PRKN: variants seen among roughly 807,000 people sequenced by gnomAD.
PRKN encodes parkin RBR E3 ubiquitin protein ligase.
Under a neutral mutation model 59.5 loss-of-function variants are expected in PRKN, and 56 were observed. The ratio of observed to expected loss-of-function variants is 0.94; its 90% CI spans 0.76 to 1.18. The LOEUF (loss-of-function observed/expected upper bound fraction) is 1.18. Ranked by LOEUF, PRKN falls within the 50% of genes most tolerant of loss-of-function variation. PRKN has a pLI of 0.00. For synonymous variants in PRKN, 250 were observed against 222.1 expected (o/e 1.13, Z -1.12); for missense variants, 657 against 596.4 (o/e 1.10, Z -1.06).
At chr6:161,648,880 T>A (rs1360191658) in intron 7 of PRKN, among the ~76,000 whole-genome samples, 3 of 152,304 alleles carry the variant, frequency 2.0e-5, no homozygotes, top group Middle Eastern at 3.4e-3. Context: ...TATGCAGAGC[T>A]ATCAAGGGCA....
At chr6:161,806,015 C>T (rs1200823631) in intron 6 of PRKN, among the ~76,000 whole-genome samples, 1 of 152,238 alleles carries the variant, frequency 6.6e-6, no homozygotes, top group African/African-American at 2.4e-5. Flanking sequence ...GAGCAGCCTA[C>T]TCCCTGGCAT....
At chr6:162,404,431 G>T (rs1209179526) in intron 2 of PRKN, among the ~76,000 whole-genome samples, 1 of 151,676 alleles carries the variant, frequency 6.6e-6, no homozygotes, top group Non-Finnish European at 1.5e-5. Context: ...CATTAGCAAA[G>T]AGCTCAGTGC....
In PRKN at chr6:162,208,978, C is replaced by G. The variant is rs1198509537; in HGVS notation, c.413-7726G>C. On this transcript the variant is annotated intron_variant, in intron 3 of 11. Transcript: ENST00000366898. ...TGGATTAAAGACTAAAATGTCAGAC[C>G]TAAAACCATAAAAACCCTAGAAGAA... is the stretch of plus-strand genomic sequence containing the variant. Among the ~76,000 whole-genome samples, 3 of 152,064 alleles carry G rather than the reference C, an allele frequency of 2.0e-5. No individual in the cohort carries two copies. The East Asian group carries it at 5.8e-4, about 29-fold the overall frequency.
chr6:162,534,691 T>A (rs1485330961), intron 1 of PRKN, among the ~76,000 whole-genome samples: 4 of 152,148 alleles, frequency 2.6e-5, no homozygotes, highest in Non-Finnish European at 5.9e-5. Flanking sequence ...AAGTTGCCCC[T>A]TTCCCGAGCC....
intron 4 of PRKN, among the ~76,000 whole-genome samples, chr6:162,108,236 C>G (rs1419011773): frequency 2.6e-5 from 4 of 152,128 alleles, no homozygotes; most frequent in Non-Finnish European, 5.9e-5. Flanking sequence ...AAGAGAAAGA[C>G]AAGCCTTTGT....
chr6:161,725,604 C>T (rs759971154), intron 7 of PRKN, among the ~76,000 whole-genome samples: 1 of 152,202 alleles, frequency 6.6e-6, no homozygotes, highest in Non-Finnish European at 1.5e-5. Context: ...ATGGCTCACC[C>T]TACCCATTTC....
intron 7 of PRKN, among the ~76,000 whole-genome samples, chr6:161,589,979 G>C (rs1583267668): frequency 6.6e-6 from 1 of 150,828 alleles, no homozygotes; most frequent in East Asian, 2.0e-4. Flanking sequence ...ACTAGAGACA[G>C]GGTTTCACCA....
chr6:161,576,904 G>A lies in PRKN; in HGVS notation c.872-7488C>T, dbSNP rs375413777. ...TAAAGTTGAGAAAAAAGTTGCAATC[G>A]TTTATGCACAATGCAATGTCATTTA... On this transcript the variant is annotated intron_variant, in intron 7 of 11. Coordinates refer to ENST00000366898, the MANE Select transcript of PRKN (RefSeq NM_004562.3). The surrounding 1 kb of genome is among the most constrained non-coding windows in gnomAD (Gnocchi z 4.6). Among the ~76,000 whole-genome samples the A allele has an allele frequency of 2.2e-4, 34 of 152,268 alleles. No homozygotes were observed. The highest frequency in any genetic ancestry group is 7.9e-4 in the African/African-American group (33 of 41,554).
intron 7 of PRKN, among the ~76,000 whole-genome samples, chr6:161,772,944 C>A (rs1789756962): frequency 6.6e-5 from 10 of 152,076 alleles, no homozygotes; most frequent in Admixed American, 5.2e-4. Context: ...TTGGCAAAAC[C>A]TTTCAAGCAC....
intron 1 of PRKN, among the ~76,000 whole-genome samples, chr6:162,696,934 G>A (rs1368270939): frequency 1.3e-5 from 2 of 152,104 alleles, no homozygotes; most frequent in Admixed American, 1.3e-4. Context: ...CTCCAAAAAA[G>A]TAAAGTTATT....
chr6:161,732,132 G>A lies in PRKN; in HGVS notation c.871+53640C>T, dbSNP rs140331649. 6.3e-3 allele frequency among the ~76,000 whole-genome samples: 945 copies of A among 149,052 alleles called. 8 individuals are homozygous for A. Among genetic ancestry groups the A allele is most frequent in the Non-Finnish European group, 0.01 (691 of 67,726 alleles). On this transcript the variant is annotated intron_variant, in intron 7 of 11. Transcript: ENST00000366898. ...GATGGAGTCTTGCTCTGTCACCCAC[G>A]CTGGAGTGTAATGGTGCAATCTCAG...
At chr6:162,179,051 A>T (rs1783663747) in intron 4 of PRKN, among the ~76,000 whole-genome samples, 2 of 152,008 alleles carry the variant, frequency 1.3e-5, no homozygotes, top group South Asian at 2.1e-4. Flanking sequence ...GCTAATTTTT[A>T]AAATTTTTTT....
intron 4 of PRKN, among the ~76,000 whole-genome samples, chr6:162,152,261 T>C (rs1161293942): frequency 3.3e-5 from 5 of 152,204 alleles, no homozygotes; most frequent in African/African-American, 7.2e-5. Flanking sequence ...CGTTTCCTAG[T>C]ATTTCACAAT....
Position 161,946,386 on chromosome 6 carries a change from T to TCACACACACACA in PRKN, c.734+26904_734+26915dup, listed in dbSNP as rs368190954. ...GGTTCTTTACCAAATTGCATGCACATCACACACACACACACACACACACAC... is the reference window on the plus strand; with the variant it reads ...GGTTCTTTACCAAATTGCATGCACATCACACACACACACACACACACACACACACACACACAC... On this transcript the variant is annotated intron_variant, in intron 6 of 11. Transcript: ENST00000366898. Among the ~76,000 whole-genome samples the TCACACACACACA allele has an allele frequency of 5.0e-3, 572 of 113,310 alleles. 4 individuals are homozygous for TCACACACACACA. Among genetic ancestry groups the TCACACACACACA allele is most frequent in the Middle Eastern group, 0.014 (3 of 210 alleles). 74.3% of individuals were successfully genotyped at this position (113,310 alleles called of 152,430 possible). A position where few individuals can be genotyped will look rare whatever the true frequency, so the allele number is the denominator to read the frequency against.
In PRKN at chr6:161,875,006, A is replaced by G. The variant is rs1208457275; in HGVS notation, c.735-89098T>C. ...TTATATACTTTATATATAATATATT[A>G]TATATTATATATAAAGTATATAATA... On this transcript the variant is annotated intron_variant, in intron 6 of 11. Coordinates refer to ENST00000366898, the MANE Select transcript of PRKN (RefSeq NM_004562.3). Among the ~76,000 whole-genome samples, 4 of 108,688 alleles carry G rather than the reference A, an allele frequency of 3.7e-5. No homozygotes were observed. In the East Asian group the frequency reaches 9.8e-4, roughly 27 times the overall value. The allele number at this position is 108,688 out of a possible 152,430, so 71.3% of individuals were successfully genotyped here. A position where few individuals can be genotyped will look rare whatever the true frequency, so the allele number is the denominator to read the frequency against.
At chr6:162,218,684 G>A (rs11758679) in intron 3 of PRKN, among the ~76,000 whole-genome samples, 6 of 152,114 alleles carry the variant, frequency 3.9e-5, no homozygotes, top group African/African-American at 7.2e-5. Context: ...GGAGTAGAAA[G>A]CACCCTACTT....
chr6:162,369,659 T>C (rs980643094), intron 2 of PRKN, among the ~76,000 whole-genome samples: 2 of 152,230 alleles, frequency 1.3e-5, no homozygotes, highest in African/African-American at 4.8e-5. Context: ...AGTTTAAATG[T>C]ATTTCAGCTC....
intron 4 of PRKN, among the ~76,000 whole-genome samples, chr6:162,124,436 T>C (rs1781041199): frequency 6.6e-6 from 1 of 152,170 alleles, no homozygotes; most frequent in Non-Finnish European, 1.5e-5. Context: ...CTACATTAAG[T>C]ACAAAGTTGT....
intron 1 of PRKN, among the ~76,000 whole-genome samples, chr6:162,547,342 C>G (rs757501327): frequency 1.7e-4 from 26 of 152,164 alleles, no homozygotes; most frequent in Non-Finnish European, 3.4e-4. Flanking sequence ...GCAAGATTTA[C>G]TAAGTCTTGT....
Sources: gnomAD v4.1 joint callset for allele counts (sites outside exome capture counted in the v4.1 genomes callset) on GRCh38, gnomAD v4.1.1 for gene constraint, Gnocchi (gnomAD v3.1) non-coding constraint, MANE v1.5 for transcripts, NCBI Gene and HGNC (gene_info 2026-07-23, HGNC 2026-07-21) for gene names.